The following NOPCHAP1 variants were observed in gnomAD, a reference collection of about 807,000 sequenced individuals.
NOPCHAP1 encodes NOP protein chaperone 1, also known as DNA damage-sensitive RNA 1.
Under a neutral mutation model 14.0 loss-of-function variants are expected in NOPCHAP1, and 13 were observed. That is an observed-to-expected ratio of 0.93 (90% CI 0.60 to 1.47). The LOEUF is 1.47. Ranked by LOEUF, NOPCHAP1 falls within the 40% of genes most tolerant of loss-of-function variation. The pLI, the probability that NOPCHAP1 is intolerant of heterozygous loss-of-function variation, is 0.00. For synonymous variants in NOPCHAP1, 78 were observed against 78.4 expected (o/e 1.00, Z 0.03); for missense variants, 230 against 226.9 (o/e 1.01, Z -0.09).
At chr12:104,990,901 A>T (rs569995077) in intron 2 of NOPCHAP1, among the ~76,000 whole-genome samples, 1 of 152,338 alleles carries the variant, frequency 6.6e-6, no homozygotes, top group African/African-American at 2.4e-5. Context: ...AGTAGATTTC[A>T]GGTGCATCTG....
At chr12:104,991,306 A>G (rs985375961) in intron 2 of NOPCHAP1, among the ~76,000 whole-genome samples, 6 of 152,228 alleles carry the variant, frequency 3.9e-5, no homozygotes, top group Non-Finnish European at 7.3e-5. Flanking sequence ...GGTAGGCAGA[A>G]ATAACCACTA....
At position 104,986,364 on chromosome 12, in the gene NOPCHAP1, T is replaced by C. The variant is rs774915163; in HGVS notation, c.12T>C (p.His4=). The C allele has an allele frequency of 5.0e-6, 8 of 1,609,536 alleles. No homozygotes were observed. The East Asian group carries it at 1.1e-4, about 23-fold the overall frequency. Residue 4 remains histidine, a synonymous_variant, in exon 1 of 4, where the codon CAT becomes CAC. Transcript: ENST00000552951. ...GGCTTGAGGGAAGCATGGAGGTCCA[T>C]GGCAAGCCCAAGGCTAGCCCGAGTT... MEV[H]GKPKASPSCS...
At chr12:104,989,234 G>A (rs1873321801) in intron 2 of NOPCHAP1, among the ~76,000 whole-genome samples, 3 of 152,152 alleles carry the variant, frequency 2.0e-5, no homozygotes, top group Non-Finnish European at 4.4e-5. Flanking sequence ...CTTTGGTGAA[G>A]TGCCTATTCA....
Position 105,003,662 on chromosome 12 carries a change from A to G in NOPCHAP1, c.*8966A>G, listed in dbSNP as rs1873654224. The G allele has an allele frequency of 1.3e-5, 2 of 152,104 alleles. No homozygotes were observed. The highest frequency in any genetic ancestry group is 4.8e-5 in the African/African-American group (2 of 41,456). 9.4% of individuals were successfully genotyped at this position (152,104 alleles called of 1,614,324 possible). On this transcript the variant is annotated 3_prime_UTR_variant, in exon 4 of 4. Coordinates refer to ENST00000552951, the MANE Select transcript of NOPCHAP1 (RefSeq NM_152318.3). ...TCTGACACCAAAAACTTAATTGTTA[A>G]AACCTCTAGACAAATTAAATTTAAC...
chr12:105,015,426 G>A lies in NOPCHAP1; in HGVS notation c.*20730G>A, dbSNP rs1873926888. On this transcript the variant is annotated 3_prime_UTR_variant, in exon 4 of 4. Coordinates refer to ENST00000552951, the MANE Select transcript of NOPCHAP1 (RefSeq NM_152318.3). ...AAGCTATCATAGACGGTTCCAGGCAGGAGAATATGAAGATGTAATTTCAAG... is the reference window on the plus strand; with the variant it reads ...AAGCTATCATAGACGGTTCCAGGCAAGAGAATATGAAGATGTAATTTCAAG... 1 of 152,194 alleles carries A rather than the reference G, an allele frequency of 6.6e-6. No homozygotes were observed. Among genetic ancestry groups the A allele is most frequent in the African/African-American group, 2.4e-5 (1 of 41,440 alleles). The allele number at this position is 152,194 out of a possible 1,614,324, so 9.4% of individuals were successfully genotyped here. A position where few individuals can be genotyped will look rare whatever the true frequency, so the allele number is the denominator to read the frequency against.
At chr12:104,988,049 AT>A in intron 1 of NOPCHAP1, 117 bp from the exon 2 acceptor site, 2 of 664,380 alleles carry the variant, frequency 3.0e-6, no homozygotes, top group Non-Finnish European at 2.5e-6. Flanking sequence ...TAAAAAAAAA[AT>A]TTTGGGGGAG....
In NOPCHAP1 at chr12:104,998,353, T is replaced by C. The variant is rs1183769864; in HGVS notation, c.*3657T>C. ...AAGTTGCTATCCTTTGGATGATTTT[T>C]TTTCTTTTATCCTACTTTATGTCCT... On this transcript the variant is annotated 3_prime_UTR_variant, in exon 4 of 4. Coordinates refer to ENST00000552951, the MANE Select transcript of NOPCHAP1 (RefSeq NM_152318.3). 1 of 152,242 alleles carries C rather than the reference T, an allele frequency of 6.6e-6. No homozygotes were observed. Among genetic ancestry groups the C allele is most frequent in the Non-Finnish European group, 1.5e-5 (1 of 68,052 alleles). The allele number at this position is 152,242 out of a possible 1,614,324, so 9.4% of individuals were successfully genotyped here. A position where few individuals can be genotyped will look rare whatever the true frequency, so the allele number is the denominator to read the frequency against.
At position 105,010,677 on chromosome 12, in the gene NOPCHAP1, C is replaced by T. The variant is rs1461748946; in HGVS notation, c.*15981C>T. On this transcript the variant is annotated 3_prime_UTR_variant, in exon 4 of 4. Transcript: ENST00000552951. ...TCCCAGAGATTCTGGTATGTTGTGTCTTTGTTCTCATTGGTTTCAAATAAT... is the reference window on the plus strand; with the variant it reads ...TCCCAGAGATTCTGGTATGTTGTGTTTTTGTTCTCATTGGTTTCAAATAAT... 1 of 152,160 alleles carries T rather than the reference C, an allele frequency of 6.6e-6. No individual in the cohort carries two copies. Among genetic ancestry groups the T allele is most frequent in the Non-Finnish European group, 1.5e-5 (1 of 68,024 alleles). The allele number at this position is 152,160 out of a possible 1,614,324, so 9.4% of individuals were successfully genotyped here. A position where few individuals can be genotyped will look rare whatever the true frequency, so the allele number is the denominator to read the frequency against.
chr12:104,988,319 G>A, intron 2 of NOPCHAP1, 66 bp downstream of exon 2: 3 of 1,272,910 alleles, frequency 2.4e-6, no homozygotes, highest in Non-Finnish European at 3.4e-6. Context: ...GCTGTGGGAC[G>A]GTCTCTGCCT....
At chr12:104,993,152 C>G (rs1461972967) in intron 3 of NOPCHAP1, among the ~76,000 whole-genome samples, 1 of 152,094 alleles carries the variant, frequency 6.6e-6, no homozygotes, top group African/African-American at 2.4e-5. Flanking sequence ...TTTTCACAAC[C>G]CTACATTATG....
intron 2 of NOPCHAP1, among the ~76,000 whole-genome samples, chr12:104,991,465 C>T (rs1374847056): frequency 6.6e-6 from 1 of 152,138 alleles, no homozygotes; most frequent in Non-Finnish European, 1.5e-5. Context: ...TGTTGAATGC[C>T]AGCCTTCTAG....
Position 105,006,564 on chromosome 12 carries a change from G to C in NOPCHAP1, c.*11868G>C, listed in dbSNP as rs542450111. ...ATTGATGGAACCAATCCAGACAAAG[G>C]GGTCTTGTCCAAGCCTTTTTGTTGT... On this transcript the variant is annotated 3_prime_UTR_variant, in exon 4 of 4. Coordinates refer to ENST00000552951, the MANE Select transcript of NOPCHAP1 (RefSeq NM_152318.3). The C allele has an allele frequency of 2.0e-5, 3 of 152,286 alleles. No homozygotes were observed. Among genetic ancestry groups the C allele is most frequent in the African/African-American group, 4.8e-5 (2 of 41,556 alleles). The allele number at this position is 152,286 out of a possible 1,614,324, so 9.4% of individuals were successfully genotyped here.
rs1873810583 is a variant in NOPCHAP1 at position 105,011,119 on chromosome 12, T to C, written c.*16423T>C. ...TTATTGTGTGGGAGTCTAAGTCTCT[T>C]TGTAGGTCTCTAAGAACTTGCTTTG... On this transcript the variant is annotated 3_prime_UTR_variant, in exon 4 of 4. Coordinates refer to ENST00000552951, the MANE Select transcript of NOPCHAP1 (RefSeq NM_152318.3). 6.6e-6 allele frequency: 1 copy of C among 152,212 alleles called. No homozygotes were observed. The highest frequency in any genetic ancestry group is 2.4e-5 in the African/African-American group (1 of 41,446). The allele number at this position is 152,212 out of a possible 1,614,324, so 9.4% of individuals were successfully genotyped here. A position where few individuals can be genotyped will look rare whatever the true frequency, so the allele number is the denominator to read the frequency against.
intron 3 of NOPCHAP1, among the ~76,000 whole-genome samples, chr12:104,993,952 G>A (rs17036570): frequency 0.011 from 1,679 of 152,256 alleles, 39 homozygotes; most frequent in African/African-American, 0.038. Flanking sequence ...GAATTGGGCC[G>A]TAGCAGATAT....
In NOPCHAP1 at chr12:105,001,385, A is replaced by G. The variant is rs1051337141; in HGVS notation, c.*6689A>G. The G allele has an allele frequency of 1.3e-5, 2 of 152,206 alleles. No individual in the cohort carries two copies. Among genetic ancestry groups the G allele is most frequent in the East Asian group, 3.8e-4 (2 of 5,202 alleles). 9.4% of individuals were successfully genotyped at this position (152,206 alleles called of 1,614,324 possible). A position where few individuals can be genotyped will look rare whatever the true frequency, so the allele number is the denominator to read the frequency against. On this transcript the variant is annotated 3_prime_UTR_variant, in exon 4 of 4. Coordinates refer to ENST00000552951, the MANE Select transcript of NOPCHAP1 (RefSeq NM_152318.3). Reference sequence around the variant, plus strand: ...GTCCAGGAGGCAGTAGAAATGTACCACCTAAAATTTGGATTATCTTTCCAG... The same window carrying G: ...GTCCAGGAGGCAGTAGAAATGTACCGCCTAAAATTTGGATTATCTTTCCAG...
Position 105,010,299 on chromosome 12 carries a change from T to C in NOPCHAP1, c.*15603T>C, listed in dbSNP as rs531547530. 6.6e-6 allele frequency: 1 copy of C among 152,340 alleles called. No homozygotes were observed. Among genetic ancestry groups the C allele is most frequent in the East Asian group, 1.9e-4 (1 of 5,194 alleles). 9.4% of individuals were successfully genotyped at this position (152,340 alleles called of 1,614,324 possible). On this transcript the variant is annotated 3_prime_UTR_variant, in exon 4 of 4. Transcript: ENST00000552951. Reference sequence around the variant, plus strand: ...TAGTATTCTCTGATGGTGGTTTGTATTTCTGTGGGATCAGTGATGATATCC... The same window carrying C: ...TAGTATTCTCTGATGGTGGTTTGTACTTCTGTGGGATCAGTGATGATATCC...
chr12:105,005,150 C>T lies in NOPCHAP1; in HGVS notation c.*10454C>T, dbSNP rs1873682968. 1.3e-5 allele frequency: 2 copies of T among 151,606 alleles called. No individual in the cohort carries two copies. The highest frequency in any genetic ancestry group is 4.1e-4 in the South Asian group (2 of 4,826). 9.4% of individuals were successfully genotyped at this position (151,606 alleles called of 1,614,324 possible). A position where few individuals can be genotyped will look rare whatever the true frequency, so the allele number is the denominator to read the frequency against. On this transcript the variant is annotated 3_prime_UTR_variant, in exon 4 of 4. Coordinates refer to ENST00000552951, the MANE Select transcript of NOPCHAP1 (RefSeq NM_152318.3). ...GAAATACATTGTAATTTCTGTCTGA[C>T]TTTCTTACTTACTCATTTTGTTACC... is the stretch of plus-strand genomic sequence containing the variant.
rs1020224134 is a variant in NOPCHAP1 at position 105,008,699 on chromosome 12, A to G, written c.*14003A>G. The G allele has an allele frequency of 1.3e-5, 2 of 152,184 alleles. No homozygotes were observed. The highest frequency in any genetic ancestry group is 4.8e-5 in the African/African-American group (2 of 41,454). The allele number at this position is 152,184 out of a possible 1,614,324, so 9.4% of individuals were successfully genotyped here. A position where few individuals can be genotyped will look rare whatever the true frequency, so the allele number is the denominator to read the frequency against. ...GGGGTCCAGTTTCAGTTTTCTGCAT[A>G]TGGCTAGCCAGTTTACCCAACACCA... On this transcript the variant is annotated 3_prime_UTR_variant, in exon 4 of 4. Coordinates refer to ENST00000552951, the MANE Select transcript of NOPCHAP1 (RefSeq NM_152318.3).
rs545456487 is a variant in NOPCHAP1 at position 104,996,358 on chromosome 12, T to A, written c.*1662T>A. ...TTTAAAAAGATGTTTTACATTTTAT[T>A]ATTTTCATTTTTTTTTTTTTTAACT... On this transcript the variant is annotated 3_prime_UTR_variant, in exon 4 of 4. Transcript: ENST00000552951. 1 of 151,592 alleles carries A rather than the reference T, an allele frequency of 6.6e-6. No homozygotes were observed. The highest frequency in any genetic ancestry group is 2.4e-5 in the African/African-American group (1 of 41,042). 9.4% of individuals were successfully genotyped at this position (151,592 alleles called of 1,614,324 possible).
Sources: gnomAD v4.1 joint callset for allele counts (sites outside exome capture counted in the v4.1 genomes callset) on GRCh38, gnomAD v4.1.1 for gene constraint, MANE v1.5 for transcripts, NCBI Gene and HGNC (gene_info 2026-07-23, HGNC 2026-07-21) for gene names.